The following DDX60 variants were observed in gnomAD, a reference collection of about 807,000 sequenced individuals.
DDX60 encodes the protein probable ATP-dependent RNA helicase DDX60.
In DDX60, 165 loss-of-function variants were observed where a neutral mutation model predicts 212.8. That is an observed-to-expected ratio of 0.78 (90% CI 0.68 to 0.88). The LOEUF (loss-of-function observed/expected upper bound fraction) is 0.88. DDX60 is among the 40% of genes least tolerant of loss of function. The pLI, the probability that DDX60 is intolerant of heterozygous loss-of-function variation, is 0.00. For synonymous variants in DDX60, 703 were observed against 685.3 expected, an observed-to-expected ratio of 1.03 and a Z score of -0.40; for missense variants, 1,905 against 2,003.9, an observed-to-expected ratio of 0.95 and a Z score of 0.94.
chr4:168,298,005 T>C (rs544330666), intron 6 of DDX60, among the ~76,000 whole-genome samples: 1 of 151,662 alleles, frequency 6.6e-6, no homozygotes, highest in Non-Finnish European at 1.5e-5. Flanking sequence ...TGAGTGCTAA[T>C]GGATACTGAG....
intron 2 of DDX60, 87 bp downstream of exon 2, chr4:168,311,169 A>G (rs138474345): frequency 1.3e-6 from 2 of 1,501,736 alleles, no homozygotes; most frequent in East Asian, 2.3e-5. Context: ...TAAAACAGTA[A>G]TGTGGTTATT....
intron 6 of DDX60, among the ~76,000 whole-genome samples, chr4:168,295,593 G>A (rs1736307415): frequency 6.6e-6 from 1 of 152,202 alleles, no homozygotes; most frequent in African/African-American, 2.4e-5. Context: ...TGAATCTGCT[G>A]TGATTCTGGA....
chr4:168,303,651 G>A (rs536184395), intron 5 of DDX60, among the ~76,000 whole-genome samples: 1 of 152,170 alleles, frequency 6.6e-6, no homozygotes, highest in Non-Finnish European at 1.5e-5. Flanking sequence ...TGTTCATGAG[G>A]CTGGTGTAAA....
intron 32 of DDX60, 74 bp downstream of exon 32, chr4:168,237,212 G>A (rs1733658262): frequency 2.9e-6 from 3 of 1,035,858 alleles, no homozygotes; most frequent in Non-Finnish European, 3.8e-6. Context: ...TATTCCTGAA[G>A]TGTTGTTTTT....
intron 10 of DDX60, among the ~76,000 whole-genome samples, chr4:168,286,389 T>TACACACACACACACACAC (rs71867661): frequency 0.041 from 5,491 of 133,616 alleles, 164 homozygotes; most frequent in African/African-American, 0.06. Flanking sequence ...CTTGATTTTA[T>TACACACACACACACACAC]ACACACACAC....
intron 36 of DDX60, 103 bp downstream of exon 36, chr4:168,221,627 A>T: frequency 7.9e-7 from 1 of 1,267,192 alleles, no homozygotes. Context: ...TTTAACCTGC[A>T]CTTGAAACTG....
chr4:168,296,007 G>C (rs1405414486), intron 6 of DDX60, among the ~76,000 whole-genome samples: 3 of 152,106 alleles, frequency 2.0e-5, no homozygotes, highest in Non-Finnish European at 4.4e-5. Context: ...AGGGTGAGGG[G>C]AGAAACGGAG....
intron 25 of DDX60, among the ~76,000 whole-genome samples, chr4:168,259,484 C>T (rs1019330184): frequency 9.2e-5 from 14 of 152,050 alleles, no homozygotes; most frequent in Non-Finnish European, 1.8e-4. Context: ...CTTACATTCA[C>T]CCATCATCGT....
intron 4 of DDX60, 65 bp downstream of exon 4, chr4:168,307,941 T>C (rs1421626981): frequency 1.3e-5 from 12 of 956,594 alleles, no homozygotes; most frequent in South Asian, 1.1e-4. Flanking sequence ...AATATATATA[T>C]AATAATTTAG....
Position 168,276,249 on chromosome 4 carries a change from A to G in DDX60, c.1979-68T>C, listed in dbSNP as rs545918131. Reference sequence around the variant, plus strand: ...AAAATAATTCATTTGATTACCCAAGATTAATCATCTAGATGGCCTCACTAT... The same window carrying G: ...AAAATAATTCATTTGATTACCCAAGGTTAATCATCTAGATGGCCTCACTAT... On this transcript the variant is annotated intron_variant, in intron 14 of 37. Transcript: ENST00000393743. The G allele has an allele frequency of 1.1e-5, 15 of 1,324,616 alleles. 1 individual carries two copies. In the East Asian group the frequency reaches 1.2e-4, roughly 11 times the overall value. The allele number at this position is 1,324,616 out of a possible 1,614,324, so 82.1% of individuals were successfully genotyped here. A position where few individuals can be genotyped will look rare whatever the true frequency, so the allele number is the denominator to read the frequency against.
In DDX60 at chr4:168,262,758, A is replaced by G; in HGVS notation, c.3069T>C (p.Leu1023=). The change falls in exon 23 of 38, where the codon CTT becomes CTC. Residue 1023 remains leucine (L), a synonymous_variant. Coordinates refer to ENST00000393743, the MANE Select transcript of DDX60 (RefSeq NM_017631.6). ...HIERYGFPPD[L]TLSPRESIQL... Reference sequence around the variant, plus strand: ...GGATGCTTTCTCGAGGTGAAAGGGTAAGATCAGGAGGGAATCCATACCTTT... The same window carrying G: ...GGATGCTTTCTCGAGGTGAAAGGGTGAGATCAGGAGGGAATCCATACCTTT... The G allele has an allele frequency of 2.5e-6, 4 of 1,612,146 alleles. No individual in the cohort carries two copies. Among genetic ancestry groups the G allele is most frequent in the Non-Finnish European group, 3.4e-6 (4 of 1,178,874 alleles).
At chr4:168,269,466 T>G (rs1734996930) in intron 19 of DDX60, among the ~76,000 whole-genome samples, 1 of 151,868 alleles carries the variant, frequency 6.6e-6, no homozygotes, top group Non-Finnish European at 1.5e-5. Context: ...CCGGGCGTGG[T>G]GGTGGGTGCC....
At chr4:168,311,526 C>T (rs1481829292) in intron 1 of DDX60, among the ~76,000 whole-genome samples, 161 bp from the exon 2 acceptor site, 38 of 152,056 alleles carry the variant, frequency 2.5e-4, no homozygotes, top group Admixed American at 2.4e-3. Context: ...ATCAGATAAT[C>T]ATAGAAACAA....
chr4:168,316,170 T>C (rs1013804470), intron 1 of DDX60, among the ~76,000 whole-genome samples: 1 of 152,210 alleles, frequency 6.6e-6, no homozygotes, highest in African/African-American at 2.4e-5. Flanking sequence ...AGAGAACCCA[T>C]GGTACTTCGA....
chr4:168,309,723 G>A (rs1037293272), intron 3 of DDX60, among the ~76,000 whole-genome samples: 6 of 152,138 alleles, frequency 3.9e-5, no homozygotes, highest in Non-Finnish European at 8.8e-5. Context: ...AAGATAACAA[G>A]AGAAGCAGTT....
At position 168,292,049 on chromosome 4, in the gene DDX60, C is replaced by CTTTCTTTCCTTT. The variant is rs58664687; in HGVS notation, c.883-144_883-143insAAAGGAAAGAAA. Reference sequence around the variant, plus strand: ...CCTTTCTTTCTTTCTTTCTTTCTTTCTTTTTTTTTTTTTTTTTGAGACAGA... The same window carrying CTTTCTTTCCTTT: ...CCTTTCTTTCTTTCTTTCTTTCTTTCTTTCTTTCCTTTTTTTTTTTTTTTTTTTTGAGACAGA... On this transcript the variant is annotated intron_variant, in intron 7 of 37. Coordinates refer to ENST00000393743, the MANE Select transcript of DDX60 (RefSeq NM_017631.6). The CTTTCTTTCCTTT allele has an allele frequency of 2.1e-3, 634 of 303,490 alleles. 2 individuals carry two copies. Among genetic ancestry groups the CTTTCTTTCCTTT allele is most frequent in the Middle Eastern group, 4.6e-3 (5 of 1,088 alleles). The allele number at this position is 303,490 out of a possible 1,614,324, so 18.8% of individuals were successfully genotyped here. A position where few individuals can be genotyped will look rare whatever the true frequency, so the allele number is the denominator to read the frequency against.
intron 6 of DDX60, among the ~76,000 whole-genome samples, chr4:168,296,049 T>TA (rs1736327864): frequency 6.6e-6 from 1 of 151,990 alleles, no homozygotes; most frequent in Admixed American, 6.6e-5. Context: ...AACTTTCAGA[T>TA]AAAAAAGAGG....
chr4:168,276,973 GGGTGTTGGAGAGAACATGGAGGTCA>G (rs1735368614), intron 14 of DDX60, among the ~76,000 whole-genome samples: 1 of 152,194 alleles, frequency 6.6e-6, no homozygotes. Context: ...CAATAGGTCA[GGGTGTTGGAGAGAACATGGAGGTCA>G]TGTGTTAAAT....
intron 1 of DDX60, among the ~76,000 whole-genome samples, chr4:168,317,118 G>A (rs1483711085): frequency 2.7e-5 from 4 of 149,632 alleles, no homozygotes; most frequent in Non-Finnish European, 5.9e-5. Flanking sequence ...TGATCAAAAC[G>A]CTAGTAGTAA....
Sources: allele counts gnomAD v4.1 joint callset (sites outside exome capture counted in the v4.1 genomes callset), GRCh38; gene constraint gnomAD v4.1.1; transcripts MANE v1.5; gene names NCBI Gene and HGNC (gene_info 2026-07-23, HGNC 2026-07-21).